Variants in MYBL1 observed in about 807,000 individuals in gnomAD.
MYBL1 encodes the protein MYB proto-oncogene like 1.
A neutral mutation model predicts 96.3 loss-of-function variants in MYBL1; 17 were observed. The ratio of observed to expected loss-of-function variants is 0.18; its 90% CI spans 0.12 to 0.26. The LOEUF is 0.26. MYBL1 is among the 10% of genes least tolerant of loss of function. The pLI is 1.00. For synonymous variants in MYBL1, 282 were observed against 292.7 expected, an observed-to-expected ratio of 0.96 and a Z score of 0.37; for missense variants, 701 against 882.9, an observed-to-expected ratio of 0.79 and a Z score of 2.61.
chr8:66,594,421 TTTAAA>T (rs1809772662), intron 6 of MYBL1, among the ~76,000 whole-genome samples: 1 of 152,108 alleles, frequency 6.6e-6, no homozygotes, highest in Admixed American at 6.6e-5. Context: ...ATTTTATTAG[TTTAAA>T]TTAATTGAAT....
intron 10 of MYBL1, among the ~76,000 whole-genome samples, chr8:66,575,020 C>T (rs1049891074): frequency 6.6e-6 from 1 of 152,078 alleles, no homozygotes; most frequent in Non-Finnish European, 1.5e-5. Flanking sequence ...TGCCATTGCA[C>T]CCCAGCCTGG....
At chr8:66,567,528 T>A (rs111413499) in intron 12 of MYBL1, among the ~76,000 whole-genome samples, 9,083 of 137,450 alleles carry the variant, frequency 0.066, 445 homozygotes, top group African/African-American at 0.16. Context: ...AGAGAGTGAG[T>A]GTGTGTGTGT....
At chr8:66,585,626 C>A (rs1159204829) in intron 8 of MYBL1, among the ~76,000 whole-genome samples, 1 of 152,028 alleles carries the variant, frequency 6.6e-6, no homozygotes, top group Non-Finnish European at 1.5e-5. Context: ...ACCTGTAATC[C>A]CAGCTACTCA....
intron 12 of MYBL1, among the ~76,000 whole-genome samples, chr8:66,567,793 A>C (rs542599283): frequency 9.9e-5 from 15 of 152,264 alleles, no homozygotes; most frequent in African/African-American, 3.6e-4. Context: ...GCTGCTGGGC[A>C]TGGTGGCTCA....
At chr8:66,584,577 G>C (rs1809339435) in intron 8 of MYBL1, among the ~76,000 whole-genome samples, 1 of 152,116 alleles carries the variant, frequency 6.6e-6, no homozygotes, top group Admixed American at 6.5e-5. Flanking sequence ...GTCGTGTTTT[G>C]GCTGGGCATG....
intron 8 of MYBL1, among the ~76,000 whole-genome samples, chr8:66,580,934 C>T (rs1412351817): frequency 6.6e-6 from 1 of 151,266 alleles, no homozygotes; most frequent in Admixed American, 6.6e-5. Flanking sequence ...TCTCTCGGCT[C>T]ACTGCAACTT....
rs778054319 is a variant in MYBL1 at position 66,566,873 on chromosome 8, T to C, written c.1845+3A>G. ...TTTATTAACAATAATACTAGAAGATTACCTCTTGTTTGCAGCTTTTGTAAG... is the reference window on the plus strand; with the variant it reads ...TTTATTAACAATAATACTAGAAGATCACCTCTTGTTTGCAGCTTTTGTAAG... On this transcript the variant is annotated splice_donor_region_variant and intron_variant, in intron 13 of 15. Coordinates refer to ENST00000522677, the MANE Select transcript of MYBL1 (RefSeq NM_001080416.4). 161 of 1,602,576 alleles carry C rather than the reference T, an allele frequency of 1.0e-4. No individual in the cohort carries two copies. Among genetic ancestry groups the C allele is most frequent in the Middle Eastern group, 5.0e-4 (3 of 6,044 alleles).
rs1189277414 is a variant in MYBL1 at position 66,562,818 on chromosome 8, T to C, written c.*1879A>G. 4.6e-5 allele frequency: 7 copies of C among 151,972 alleles called. No individual in the cohort carries two copies. The highest frequency in any genetic ancestry group is 1.7e-4 in the African/African-American group (7 of 41,322). 9.4% of individuals were successfully genotyped at this position (151,972 alleles called of 1,614,324 possible). A position where few individuals can be genotyped will look rare whatever the true frequency, so the allele number is the denominator to read the frequency against. Reference sequence around the variant, plus strand: ...TTCATTAATTAGAAAGCAATCAACATACTTAAACATGCTAAGAGGATTCAA... The same window carrying C: ...TTCATTAATTAGAAAGCAATCAACACACTTAAACATGCTAAGAGGATTCAA... On this transcript the variant is annotated 3_prime_UTR_variant, in exon 16 of 16. Coordinates refer to ENST00000522677, the MANE Select transcript of MYBL1 (RefSeq NM_001080416.4).
intron 1 of MYBL1, among the ~76,000 whole-genome samples, chr8:66,604,556 T>C (rs1453254345): frequency 6.6e-6 from 1 of 150,948 alleles, no homozygotes; most frequent in Non-Finnish European, 1.5e-5. Flanking sequence ...TAAAATAAAC[T>C]GGAGTGAAGC....
intron 3 of MYBL1, 47 bp from the exon 4 acceptor site, chr8:66,599,189 A>G: frequency 6.5e-6 from 9 of 1,388,110 alleles, no homozygotes; most frequent in Non-Finnish European, 8.8e-6. Context: ...GTCTTCCAGA[A>G]AGCAAGTCAG....
chr8:66,612,012 T>C (rs1810549497), intron 1 of MYBL1: 1 of 152,222 alleles, frequency 6.6e-6, no homozygotes, highest in African/African-American at 2.4e-5. Context: ...GAGTAGCTGC[T>C]GTAATGGCAT....
intron 12 of MYBL1, among the ~76,000 whole-genome samples, chr8:66,570,649 AC>A (rs1808692702): frequency 1.3e-5 from 2 of 152,192 alleles, no homozygotes; most frequent in Admixed American, 1.3e-4. Context: ...AGTGCCTGGA[AC>A]CTATTAGGCA....
intron 8 of MYBL1, among the ~76,000 whole-genome samples, chr8:66,589,916 T>A (rs1809572154): frequency 6.6e-6 from 1 of 151,834 alleles, no homozygotes; most frequent in Non-Finnish European, 1.5e-5. Flanking sequence ...CAAAAAGTAT[T>A]TTTTTTTATT....
chr8:66,588,714 A>G (rs1809516907), intron 8 of MYBL1, among the ~76,000 whole-genome samples: 1 of 152,174 alleles, frequency 6.6e-6, no homozygotes, highest in African/African-American at 2.4e-5. Flanking sequence ...ATATTGTCAC[A>G]TAACTGTTTA....
chr8:66,598,848 T>A (rs1387254156), intron 4 of MYBL1, among the ~76,000 whole-genome samples: 1 of 152,204 alleles, frequency 6.6e-6, no homozygotes, highest in Non-Finnish European at 1.5e-5. Context: ...AAGAAAGGGC[T>A]GTATGTTATA....
chr8:66,602,438 C>A lies in MYBL1; in HGVS notation c.106G>T (p.Val36Leu). Residue 36 changes from valine (V) to leucine (L), a missense_variant, in exon 2 of 16, where the codon GTA (valine) becomes TTA (leucine). Physicochemically the swap from Val to Leu is conservative, Grantham distance 32. Coordinates refer to ENST00000522677, the MANE Select transcript of MYBL1 (RefSeq NM_001080416.4). ...ATTACCTCGTCCCTTGTCCATTTTA[C>A]TCTGTTCCAGAGTTTCTTCAGTCCT... ...QKGLKKLWNR[V>L]KWTRDEDDKL... The A allele has an allele frequency of 6.3e-7, 1 of 1,597,548 alleles. No individual in the cohort carries two copies. Among genetic ancestry groups the A allele is most frequent in the Non-Finnish European group, 8.5e-7 (1 of 1,171,420 alleles).
intron 1 of MYBL1, among the ~76,000 whole-genome samples, chr8:66,603,047 G>A (rs188602241): frequency 9.9e-5 from 15 of 151,908 alleles, no homozygotes; most frequent in Admixed American, 7.9e-4. Context: ...ACCTGGCCTG[G>A]AACTATACTT....
chr8:66,582,515 G>C (rs1284515010), intron 8 of MYBL1, among the ~76,000 whole-genome samples: 1 of 129,756 alleles, frequency 7.7e-6, no homozygotes, highest in South Asian at 2.4e-4. Flanking sequence ...AACCAGCCTC[G>C]GCAACATGGC....
intron 8 of MYBL1, among the ~76,000 whole-genome samples, chr8:66,584,127 T>C (rs1301582421): frequency 6.6e-6 from 1 of 151,964 alleles, no homozygotes; most frequent in Non-Finnish European, 1.5e-5. Flanking sequence ...CAAATATCAA[T>C]AGAATAAAGA....
Sources: gnomAD v4.1 joint callset for allele counts (sites outside exome capture counted in the v4.1 genomes callset) on GRCh38, gnomAD v4.1.1 for gene constraint, MANE v1.5 for transcripts, NCBI Gene and HGNC (gene_info 2026-07-23, HGNC 2026-07-21) for gene names.